The following GULP1 variants were observed in gnomAD, a reference collection of about 807,000 sequenced individuals.
GULP1 encodes the protein PTB domain-containing engulfment adapter protein 1.
In GULP1, 19 loss-of-function variants were observed where a neutral mutation model predicts 40.9. The observed-to-expected ratio is 0.46, with a 90% CI of 0.32 to 0.68. GULP1 has a LOEUF of 0.68. Among genes scored for constraint, GULP1 ranks in the 30% least tolerant of loss-of-function variants. GULP1 has a pLI of 0.03. For missense variants in GULP1, 312 were observed against 362.2 expected, an observed-to-expected ratio of 0.86 and a Z score of 1.12; for synonymous variants, 119 against 117.6, an observed-to-expected ratio of 1.01 and a Z score of -0.08.
chr2:188,436,446 G>T (rs1217502865), intron 2 of GULP1, among the ~76,000 whole-genome samples: 1 of 151,882 alleles, frequency 6.6e-6, no homozygotes, highest in Non-Finnish European at 1.5e-5. Context: ...TCATCATTTT[G>T]ATTTAAAATT....
chr2:188,344,049 G>C (rs978755597), intron 1 of GULP1, among the ~76,000 whole-genome samples: 1 of 151,982 alleles, frequency 6.6e-6, no homozygotes, highest in Non-Finnish European at 1.5e-5. Flanking sequence ...CCTCAAGTGA[G>C]CCCCCGCCTC....
intron 1 of GULP1, among the ~76,000 whole-genome samples, chr2:188,381,384 AAAT>A (rs1240021548): frequency 2.0e-5 from 3 of 151,310 alleles, no homozygotes; most frequent in African/African-American, 7.4e-5. Context: ...CGTAAGATAA[AAAT>A]AAAGGCTACG....
At chr2:188,303,438 G>C (rs1295758952) in intron 1 of GULP1, among the ~76,000 whole-genome samples, 1 of 152,202 alleles carries the variant, frequency 6.6e-6, no homozygotes, top group Non-Finnish European at 1.5e-5. Flanking sequence ...GGGCAGGTTT[G>C]CTGGGAATGA....
At chr2:188,368,371 G>A (rs780653157) in intron 1 of GULP1, among the ~76,000 whole-genome samples, 8 of 151,872 alleles carry the variant, frequency 5.3e-5, no homozygotes, top group South Asian at 2.1e-4. Flanking sequence ...ACTTGAGGTC[G>A]GGAGTTCGAG....
intron 2 of GULP1, among the ~76,000 whole-genome samples, chr2:188,444,543 A>G (rs1428134695): frequency 1.3e-5 from 2 of 152,064 alleles, no homozygotes; most frequent in Non-Finnish European, 2.9e-5. Flanking sequence ...GGAAAATATG[A>G]CTCCTTCATA....
intron 7 of GULP1, among the ~76,000 whole-genome samples, chr2:188,565,760 G>C (rs974111241): frequency 3.3e-5 from 5 of 151,966 alleles, no homozygotes; most frequent in African/African-American, 4.8e-5. Context: ...TAATAACTAA[G>C]AACTGACAAA....
At position 188,378,476 on chromosome 2, in the gene GULP1, G is replaced by A. The variant is rs111854660; in HGVS notation, c.-171-5287G>A. Among the ~76,000 whole-genome samples the A allele has an allele frequency of 2.6e-3, 399 of 152,254 alleles. 2 individuals are homozygous for A. The highest frequency in any genetic ancestry group is 9.0e-3 in the African/African-American group (374 of 41,558). ...TGTATTGCTATAAAGGAATACCTGA[G>A]GCTAGGTAATTTATAAAGAAAAGAC... On this transcript the variant is annotated intron_variant, in intron 1 of 11. Transcript: ENST00000409830.
chr2:188,514,451 GA>G (rs1326016685), intron 4 of GULP1, among the ~76,000 whole-genome samples: 5 of 151,764 alleles, frequency 3.3e-5, no homozygotes, highest in Non-Finnish European at 7.4e-5. Context: ...TTATTGTACA[GA>G]AAAAATAAAT....
intron 2 of GULP1, among the ~76,000 whole-genome samples, chr2:188,419,308 A>G (rs186155114): frequency 1.6e-4 from 24 of 152,070 alleles, no homozygotes; most frequent in African/African-American, 4.3e-4. Context: ...ACCATTTTGT[A>G]TTCCCATCAA....
Position 188,378,501 on chromosome 2 carries a change from C to A in GULP1, c.-171-5262C>A, listed in dbSNP as rs1055951242. Among the ~76,000 whole-genome samples, 3 of 152,068 alleles carry A rather than the reference C, an allele frequency of 2.0e-5. No homozygotes were observed. In the East Asian group the frequency reaches 5.8e-4, roughly 29 times the overall value. On this transcript the variant is annotated intron_variant, in intron 1 of 11. Transcript: ENST00000409830. Reference sequence around the variant, plus strand: ...GGCTAGGTAATTTATAAAGAAAAGACGTTTATTTGGCTCATGGTTCTGCAA... The same window carrying A: ...GGCTAGGTAATTTATAAAGAAAAGAAGTTTATTTGGCTCATGGTTCTGCAA...
At chr2:188,505,711 A>G (rs1468522496) in intron 4 of GULP1, among the ~76,000 whole-genome samples, 1 of 151,868 alleles carries the variant, frequency 6.6e-6, no homozygotes. Context: ...GAAGATCACA[A>G]CCAAGAAGTT....
intron 1 of GULP1, among the ~76,000 whole-genome samples, chr2:188,372,941 C>T (rs781214460): frequency 3.2e-4 from 48 of 151,914 alleles, no homozygotes; most frequent in Non-Finnish European, 8.8e-5. Context: ...TTCCCTTCTG[C>T]GTTTTATCCT....
In GULP1 at chr2:188,374,353, A is replaced by G. The variant is rs112587474; in HGVS notation, c.-171-9410A>G. Reference sequence around the variant, plus strand: ...CATTCAAGAGTAATTATTTTGTTGTACTTGGCAGACAACCAATTAAAACTC... The same window carrying G: ...CATTCAAGAGTAATTATTTTGTTGTGCTTGGCAGACAACCAATTAAAACTC... On this transcript the variant is annotated intron_variant, in intron 1 of 11. Transcript: ENST00000409830. 6.6e-5 allele frequency among the ~76,000 whole-genome samples: 10 copies of G among 152,280 alleles called. 1 individual carries two copies. The highest frequency in any genetic ancestry group is 2.2e-4 in the African/African-American group (9 of 41,584).
At chr2:188,503,058 C>CA (rs1246846562) in intron 4 of GULP1, among the ~76,000 whole-genome samples, 1 of 152,014 alleles carries the variant, frequency 6.6e-6, no homozygotes, top group Non-Finnish European at 1.5e-5. Context: ...CTAAAGGTCT[C>CA]ACGTTTTAAT....
At chr2:188,539,416 G>A (rs1040450677) in intron 6 of GULP1, among the ~76,000 whole-genome samples, 33 of 151,982 alleles carry the variant, frequency 2.2e-4, no homozygotes, top group African/African-American at 7.7e-4. Flanking sequence ...CAATAAGAAA[G>A]GAAACTGTTC....
intron 6 of GULP1, 93 bp from the exon 7 acceptor site, chr2:188,541,088 C>A: frequency 9.4e-7 from 1 of 1,061,398 alleles, no homozygotes; most frequent in Non-Finnish European, 1.4e-6. Context: ...GATTGTTCTA[C>A]TTTTAAAGTC....
At chr2:188,386,593 T>C (rs185198220) in intron 2 of GULP1, among the ~76,000 whole-genome samples, 2 of 152,270 alleles carry the variant, frequency 1.3e-5, no homozygotes, top group African/African-American at 4.8e-5. Flanking sequence ...ATTCAGTCAA[T>C]ATTCTTATAG....
intron 1 of GULP1, among the ~76,000 whole-genome samples, chr2:188,305,550 G>A (rs576854193): frequency 6.6e-6 from 1 of 152,284 alleles, no homozygotes; most frequent in South Asian, 2.1e-4. Context: ...GGTAAAGGAA[G>A]GACAGGAGGT....
intron 1 of GULP1, among the ~76,000 whole-genome samples, chr2:188,346,969 C>CAAA (rs111270430): frequency 8.2e-6 from 1 of 122,604 alleles, no homozygotes; most frequent in African/African-American, 3.2e-5. Flanking sequence ...GACTCCGTCT[C>CAAA]AAAAAAAAAA....
Sources: gnomAD v4.1 joint callset for allele counts (sites outside exome capture counted in the v4.1 genomes callset) on GRCh38, gnomAD v4.1.1 for gene constraint, MANE v1.5 for transcripts, NCBI Gene and HGNC (gene_info 2026-07-23, HGNC 2026-07-21) for gene names.